The following UMAD1 variants were observed in gnomAD, a reference collection of about 807,000 sequenced individuals.
UMAD1 encodes the protein UBAP1-MVB12-associated (UMA) domain containing 1, also known as UBAP1-MVB12-associated (UMA)-domain containing protein 1.
A neutral mutation model predicts 6.1 loss-of-function variants in UMAD1; 8 were observed. The observed-to-expected ratio is 1.30, with a 90% CI of 0.76 to 2.35. UMAD1 has a LOEUF of 2.35. UMAD1 is among the 30% of genes most tolerant of loss of function. The pLI is 0.00. For missense variants in UMAD1, 130 were observed against 78.4 expected (o/e 1.66, Z -2.49); for synonymous variants, 56 against 31.4 (o/e 1.78, Z -2.61).
rs574423985 is a variant in UMAD1 at position 7,843,505 on chromosome 7, A to G, written c.157-33776A>G. Among the ~76,000 whole-genome samples the G allele has an allele frequency of 4.6e-5, 7 of 152,214 alleles. No individual in the cohort carries two copies. The South Asian group carries it at 8.3e-4, about 18-fold the overall frequency. ...GTCTTTGAGTGGATTGGCAATGAAG[A>G]ATAATATTCGTATTCTAACACGCAC... On this transcript the variant is annotated intron_variant, in intron 3 of 3. Coordinates refer to ENST00000682710, the MANE Select transcript of UMAD1 (RefSeq NM_001302348.2).
intron 2 of UMAD1, among the ~76,000 whole-genome samples, chr7:7,723,858 A>G (rs1487093970): frequency 6.7e-6 from 1 of 148,620 alleles, no homozygotes; most frequent in African/African-American, 2.5e-5. Flanking sequence ...GCCATTGGCT[A>G]ATTAATCACG....
intron 2 of UMAD1, among the ~76,000 whole-genome samples, chr7:7,739,295 C>A (rs558019337): frequency 6.6e-6 from 1 of 152,228 alleles, no homozygotes; most frequent in Admixed American, 6.5e-5. Flanking sequence ...AGCTCACTGT[C>A]ATTACCTTGC....
In UMAD1 at chr7:7,861,710, A is replaced by G. The variant is rs148736262; in HGVS notation, c.157-15571A>G. ...TTTCCAAGTATGTGGATTACTCTAT[A>G]TATCAAATTCAAATTACACAGAAAA... On this transcript the variant is annotated intron_variant, in intron 3 of 3. Coordinates refer to ENST00000682710, the MANE Select transcript of UMAD1 (RefSeq NM_001302348.2). Among the ~76,000 whole-genome samples, 1,010 of 152,328 alleles carry G rather than the reference A, an allele frequency of 6.6e-3. 5 individuals are homozygous for G. Among genetic ancestry groups the G allele is most frequent in the Non-Finnish European group, 0.01 (689 of 68,030 alleles).
At chr7:7,798,734 G>A (rs1782737595) in intron 2 of UMAD1, among the ~76,000 whole-genome samples, 1 of 152,114 alleles carries the variant, frequency 6.6e-6, no homozygotes, top group Non-Finnish European at 1.5e-5. Flanking sequence ...AGACCACAGA[G>A]TCCCCAGAGA....
At chr7:7,796,531 G>A (rs933635541) in intron 2 of UMAD1, among the ~76,000 whole-genome samples, 6 of 152,188 alleles carry the variant, frequency 3.9e-5, no homozygotes, top group East Asian at 1.9e-4. Context: ...GATTACAGGC[G>A]TGAGCCACCG....
chr7:7,730,431 C>G (rs143396560), intron 2 of UMAD1, among the ~76,000 whole-genome samples: 2 of 152,328 alleles, frequency 1.3e-5, no homozygotes, highest in African/African-American at 4.8e-5. Flanking sequence ...TTCTTGCACT[C>G]TCTGCTAGTC....
chr7:7,762,848 A>G (rs565943028), intron 2 of UMAD1, among the ~76,000 whole-genome samples: 1 of 151,600 alleles, frequency 6.6e-6, no homozygotes, highest in East Asian at 1.9e-4. Flanking sequence ...AGTTGAAAGC[A>G]CATTACATAT....
Position 7,804,797 on chromosome 7 carries a change from T to C in UMAD1, c.156+3054T>C, listed in dbSNP as rs538667228. Among the ~76,000 whole-genome samples the C allele has an allele frequency of 5.0e-4, 76 of 151,964 alleles. No individual in the cohort carries two copies. In the South Asian group the frequency reaches 0.015, roughly 30 times the overall value. The stretch of plus-strand genomic sequence containing the variant: ...GAGATCAAGACCATTCTGGCTAACA[T>C]GGTGAAACCCTGTCTCTACTAAAAA... On this transcript the variant is annotated intron_variant, in intron 3 of 3. Transcript: ENST00000682710.
chr7:7,776,321 G>C (rs1782206884), intron 2 of UMAD1, among the ~76,000 whole-genome samples: 1 of 152,086 alleles, frequency 6.6e-6, no homozygotes, highest in Non-Finnish European at 1.5e-5. Flanking sequence ...ATATGAAAAT[G>C]CAATCAATAT....
intron 1 of UMAD1, among the ~76,000 whole-genome samples, chr7:7,661,984 C>T (rs1042828893): frequency 1.3e-5 from 2 of 152,192 alleles, no homozygotes; most frequent in Admixed American, 6.5e-5. Context: ...GGGCTGCTGC[C>T]TTTCTTTCAG....
intron 1 of UMAD1, among the ~76,000 whole-genome samples, chr7:7,664,253 A>G (rs1316702680): frequency 1.3e-5 from 2 of 151,980 alleles, no homozygotes; most frequent in Non-Finnish European, 2.9e-5. Context: ...TCATTTCTGT[A>G]CATCCCTTCT....
At chr7:7,839,453 C>A (rs1221268549) in intron 3 of UMAD1, among the ~76,000 whole-genome samples, 1 of 152,162 alleles carries the variant, frequency 6.6e-6, no homozygotes, top group Non-Finnish European at 1.5e-5. Flanking sequence ...GGGCTCAAGC[C>A]CTTCTCTTGC....
chr7:7,771,124 G>GT (rs71543846), intron 2 of UMAD1, among the ~76,000 whole-genome samples: 40,954 of 145,548 alleles, frequency 0.28, 6,082 homozygotes, highest in Middle Eastern at 0.39. Flanking sequence ...GTTTTTGTTA[G>GT]TTTTTTTTTT....
chr7:7,792,584 T>A (rs1244761556), intron 2 of UMAD1, among the ~76,000 whole-genome samples: 1 of 152,188 alleles, frequency 6.6e-6, no homozygotes, highest in Non-Finnish European at 1.5e-5. Context: ...AGACTTGGGT[T>A]TTAGTACCAG....
chr7:7,847,323 G>A (rs751047753), intron 3 of UMAD1, among the ~76,000 whole-genome samples: 21 of 149,886 alleles, frequency 1.4e-4, no homozygotes, highest in Non-Finnish European at 2.4e-4. Context: ...AGTTTACATA[G>A]CTTTGTGTAT....
chr7:7,845,608 A>G (rs1449470867), intron 3 of UMAD1, among the ~76,000 whole-genome samples: 1 of 152,112 alleles, frequency 6.6e-6, no homozygotes, highest in Non-Finnish European at 1.5e-5. Context: ...TAAAGCAAAG[A>G]GTCTCTCTAT....
chr7:7,706,559 A>G (rs1484301394), intron 2 of UMAD1, among the ~76,000 whole-genome samples: 1 of 152,208 alleles, frequency 6.6e-6, no homozygotes, highest in African/African-American at 2.4e-5. Context: ...TTAAAATTGG[A>G]AAAAATGAGG....
chr7:7,762,835 A>G (rs1196927044), intron 2 of UMAD1, among the ~76,000 whole-genome samples: 1 of 152,280 alleles, frequency 6.6e-6, no homozygotes, highest in Admixed American at 6.5e-5. Context: ...CGAAGGCTTC[A>G]TGAGTTGAAA....
intron 2 of UMAD1, among the ~76,000 whole-genome samples, chr7:7,749,659 A>G (rs558268958): frequency 6.6e-6 from 1 of 152,292 alleles, no homozygotes; most frequent in Non-Finnish European, 1.5e-5. Flanking sequence ...ATATTTTTCT[A>G]AAATAAAACT....
Sources: gnomAD v4.1 joint callset for allele counts (sites outside exome capture counted in the v4.1 genomes callset) on GRCh38, gnomAD v4.1.1 for gene constraint, MANE v1.5 for transcripts, NCBI Gene and HGNC (gene_info 2026-07-23, HGNC 2026-07-21) for gene names.